Variants in DAG1 observed in about 807,000 individuals in gnomAD.
DAG1 encodes the protein dystroglycan 1, also known as dystroglycan 1 (dystrophin-associated glycoprotein 1).
In DAG1, 8 loss-of-function variants were observed where a neutral mutation model predicts 46.1. The ratio of observed to expected loss-of-function variants is 0.17; its 90% CI spans 0.10 to 0.31. The LOEUF (loss-of-function observed/expected upper bound fraction) is 0.31, where lower values mean the gene tolerates loss of function less well. Ranked by LOEUF, DAG1 falls within the 10% of genes least tolerant of loss-of-function variation. The pLI, the probability that DAG1 is intolerant of heterozygous loss-of-function variation, is 1.00. For synonymous variants in DAG1, 495 were observed against 481.8 expected (o/e 1.03, Z -0.36); for missense variants, 1,003 against 1,189.9 (o/e 0.84, Z 2.31).
At chr3:49,478,660 A>AGCTGCTGGATTACAGATGTGG (rs2049769191) in intron 1 of DAG1, among the ~76,000 whole-genome samples, 1 of 150,356 alleles carries the variant, frequency 6.7e-6, no homozygotes, top group Non-Finnish European at 1.5e-5. Flanking sequence ...TACAGATGTG[A>AGCTGCTGGATTACAGATGTGG]GCCACTGGGC....
rs745354687 is a variant in DAG1, at chr3:49,532,353, T to A, written c.1842T>A (p.Gly614=). The A allele has an allele frequency of 8.7e-6, 14 of 1,614,022 alleles. 1 individual carries two copies. In the Middle Eastern group the frequency reaches 6.6e-4, roughly 76 times the overall value. The part of the protein sequence containing the change: ...APARFKAKFV[G]DPALVLNDIH... Reference sequence around the variant, plus strand: ...CAAGGTTCAAGGCCAAGTTTGTGGGTGACCCGGCACTGGTGTTGAATGACA... The same window carrying A: ...CAAGGTTCAAGGCCAAGTTTGTGGGAGACCCGGCACTGGTGTTGAATGACA... Residue 614 remains glycine (G), a synonymous_variant, in exon 3 of 3, where the codon GGT becomes GGA. Transcript: ENST00000308775. The surrounding 1 kb of genome is among the most constrained non-coding windows in gnomAD (Gnocchi z 5.4).
At chr3:49,474,520 A>G (rs1013465669) in intron 1 of DAG1, among the ~76,000 whole-genome samples, 2 of 151,700 alleles carry the variant, frequency 1.3e-5, no homozygotes, top group Non-Finnish European at 2.9e-5. Context: ...TAATTTTTGT[A>G]TTTTTAGTAG....
chr3:49,483,120 A>G (rs562113439), intron 1 of DAG1, among the ~76,000 whole-genome samples: 4 of 151,914 alleles, frequency 2.6e-5, no homozygotes, highest in African/African-American at 7.2e-5. Context: ...CCCTGATTTT[A>G]CTATGGAATA....
chr3:49,507,954 G>A (rs1322298865), intron 1 of DAG1, among the ~76,000 whole-genome samples: 1 of 151,914 alleles, frequency 6.6e-6, no homozygotes, highest in African/African-American at 2.4e-5. Context: ...GTGTAGAGTT[G>A]TTTATAGTGT....
chr3:49,530,200 C>G (rs1166473988), intron 2 of DAG1, among the ~76,000 whole-genome samples: 1 of 152,186 alleles, frequency 6.6e-6, no homozygotes, highest in South Asian at 2.1e-4. Context: ...ACTCTCTTTG[C>G]TACACAAATG....
At chr3:49,505,837 A>ATTT (rs35262532) in intron 1 of DAG1, among the ~76,000 whole-genome samples, 2 of 145,594 alleles carry the variant, frequency 1.4e-5, no homozygotes, top group African/African-American at 5.1e-5. Context: ...CTAATTTTGT[A>ATTT]TTTTTTTTTT....
chr3:49,496,872 A>C (rs961819381), intron 1 of DAG1, among the ~76,000 whole-genome samples: 5 of 149,990 alleles, frequency 3.3e-5, no homozygotes, highest in African/African-American at 1.2e-4. Context: ...TGATCCACCC[A>C]CCTCGGCCTC....
chr3:49,473,438 A>C (rs2049585698), intron 1 of DAG1, among the ~76,000 whole-genome samples: 1 of 151,912 alleles, frequency 6.6e-6, no homozygotes, highest in Admixed American at 6.5e-5. Flanking sequence ...AAAAAAAAAC[A>C]CAAAAAAAAC....
rs147228018 is a variant in DAG1 at position 49,508,725 on chromosome 3, C to T, written c.-116-1694C>T. Reference sequence around the variant, plus strand: ...TGTATTTTTAGTAGAGACAAGATTTCACCATGCTGGCCAGGCTGGTCTTGA... The same window carrying T: ...TGTATTTTTAGTAGAGACAAGATTTTACCATGCTGGCCAGGCTGGTCTTGA... On this transcript the variant is annotated intron_variant, in intron 1 of 2. Coordinates refer to ENST00000308775, the MANE Select transcript of DAG1 (RefSeq NM_004393.6). Among the ~76,000 whole-genome samples the T allele has an allele frequency of 9.3e-4, 141 of 152,114 alleles. No homozygotes were observed. The East Asian group carries it at 0.027, about 29-fold the overall frequency.
intron 1 of DAG1, among the ~76,000 whole-genome samples, chr3:49,494,676 C>T (rs560384409): frequency 3.3e-5 from 5 of 151,326 alleles, no homozygotes; most frequent in African/African-American, 1.2e-4. Context: ...GCACTGTCAT[C>T]CAGGCTGGAG....
chr3:49,519,747 C>T (rs2050981941), intron 2 of DAG1, among the ~76,000 whole-genome samples: 1 of 152,118 alleles, frequency 6.6e-6, no homozygotes, highest in South Asian at 2.1e-4. Context: ...AAAAAAATCA[C>T]TGACAAAGAC....
intron 1 of DAG1, among the ~76,000 whole-genome samples, chr3:49,509,816 C>T (rs2050712071): frequency 6.6e-6 from 1 of 152,054 alleles, no homozygotes; most frequent in South Asian, 2.1e-4. Context: ...GCAACCTCCA[C>T]CTCCCGGGTT....
intron 2 of DAG1, among the ~76,000 whole-genome samples, chr3:49,528,540 C>T (rs1463731103): frequency 1.3e-5 from 2 of 152,048 alleles, no homozygotes; most frequent in African/African-American, 4.8e-5. Flanking sequence ...CCGCCTCAAC[C>T]TCCCAAAGTG....
chr3:49,474,812 T>TG (rs1484539691), intron 1 of DAG1, among the ~76,000 whole-genome samples: 38 of 93,772 alleles, frequency 4.1e-4, no homozygotes, highest in Non-Finnish European at 7.2e-4. Flanking sequence ...ATTAATTAGT[T>TG]TTTTTTTTTT....
chr3:49,532,153 G>C lies in DAG1; in HGVS notation c.1642G>C (p.Glu548Gln). The C allele has an allele frequency of 6.2e-7, 1 of 1,614,234 alleles. No homozygotes were observed. The highest frequency in any genetic ancestry group is 8.5e-7 in the Non-Finnish European group (1 of 1,180,042). ...LKLREQQLVG[E>Q]KSWVQFNSNS... ...ACTGCGGGAGCAGCAGCTGGTGGGC[G>C]AGAAGTCCTGGGTACAGTTCAACAG... is the stretch of plus-strand genomic sequence containing the variant. Residue 548 changes from glutamate to glutamine, a missense_variant, in exon 3 of 3, where the codon GAG becomes CAG. Glu to Gln is a conservative substitution (Grantham distance 29). Coordinates refer to ENST00000308775, the MANE Select transcript of DAG1 (RefSeq NM_004393.6). The surrounding 1 kb of genome is among the most constrained non-coding windows in gnomAD (Gnocchi z 5.4).
intron 2 of DAG1, among the ~76,000 whole-genome samples, chr3:49,511,371 G>C (rs1379639026): frequency 1.3e-5 from 2 of 152,108 alleles, no homozygotes; most frequent in Non-Finnish European, 2.9e-5. Flanking sequence ...TGTCTTGGTT[G>C]ACCCAGGATA....
intron 1 of DAG1, among the ~76,000 whole-genome samples, chr3:49,489,098 CTT>C (rs562212219): frequency 1.4e-4 from 20 of 140,112 alleles, no homozygotes; most frequent in Admixed American, 5.0e-4. Flanking sequence ...TGTGAATTAC[CTT>C]TTTTTTTTTT....
chr3:49,525,687 T>C (rs1030697230), intron 2 of DAG1, among the ~76,000 whole-genome samples: 1 of 149,748 alleles, frequency 6.7e-6, no homozygotes, highest in Non-Finnish European at 1.5e-5. Flanking sequence ...GCCTCCCGAG[T>C]AGCTGGGACT....
rs374440411 is a variant in DAG1, at chr3:49,530,920, C to G, written c.409C>G (p.Arg137Gly). 6.8e-6 allele frequency: 11 copies of G among 1,614,032 alleles called. No individual in the cohort carries two copies. Among genetic ancestry groups the G allele is most frequent in the Non-Finnish European group, 8.5e-6 (10 of 1,180,018 alleles). The change falls in exon 3 of 3, where the codon CGG becomes GGG. Residue 137 changes from arginine to glycine, a missense_variant. Around this residue, in one of 3 missense-constraint regions of DAG1, gnomAD observed 196 missense variants for 239.1 expected, o/e 0.82. Coordinates refer to ENST00000308775, the MANE Select transcript of DAG1 (RefSeq NM_004393.6). ...GCATTACATTTCAGTGAGCGCTACA[C>G]GGCTGGGGGCCAACGGGAGCCACAT... ...GVHYISVSAT[R>G]LGANGSHIPQ... is the part of the protein sequence containing the mutation.
Sources: allele counts gnomAD v4.1 joint callset (sites outside exome capture counted in the v4.1 genomes callset), GRCh38; gene constraint gnomAD v4.1.1; regional missense constraint gnomAD v4.1.1; non-coding constraint Gnocchi (gnomAD v3.1); transcripts MANE v1.5; gene names NCBI Gene and HGNC (gene_info 2026-07-23, HGNC 2026-07-21).